PPARG: variants seen among roughly 807,000 people sequenced by gnomAD.
PPARG encodes peroxisome proliferator-activated receptor gamma.
PPARG carries 17 observed loss-of-function variants against 39.2 expected under a neutral mutation model. That is an observed-to-expected ratio of 0.43 (90% confidence interval 0.30 to 0.65). The LOEUF is 0.65. Ranked by LOEUF, PPARG falls within the 30% of genes least tolerant of loss-of-function variation. The pLI, the probability that PPARG is intolerant of heterozygous loss-of-function variation, is 0.13. For missense variants in PPARG, 406 were observed against 585.9 expected (o/e 0.69, Z 3.17); for synonymous variants, 223 against 215.7 (o/e 1.03, Z -0.30).
intron 4 of PPARG, among the ~76,000 whole-genome samples, chr3:12,384,205 T>C (rs1046889663): frequency 1.3e-5 from 2 of 152,136 alleles, no homozygotes; most frequent in African/African-American, 4.8e-5. Context: ...AAAGAAAATA[T>C]GTGAATCCAC....
intron 4 of PPARG, among the ~76,000 whole-genome samples, chr3:12,390,422 A>G (rs888603971): frequency 2.0e-5 from 3 of 152,150 alleles, no homozygotes; most frequent in African/African-American, 7.2e-5. Context: ...ATTATAGTAT[A>G]GTCATACAAT....
chr3:12,298,348 A>C (rs991446974), intron 1 of PPARG, among the ~76,000 whole-genome samples: 1 of 146,594 alleles, frequency 6.8e-6, no homozygotes, highest in Non-Finnish European at 1.5e-5. Flanking sequence ...ATAGCAAGCG[A>C]GTAGAGGTTT....
Position 12,392,903 on chromosome 3 carries a change from G to A in PPARG, c.529+151G>A, listed in dbSNP as rs1301410191. 58 of 1,069,004 alleles carry A rather than the reference G, an allele frequency of 5.4e-5. No individual in the cohort carries two copies. In the East Asian group the frequency reaches 1.1e-3, roughly 21 times the overall value. 66.2% of individuals were successfully genotyped at this position (1,069,004 alleles called of 1,614,324 possible). A position where few individuals can be genotyped will look rare whatever the true frequency, so the allele number is the denominator to read the frequency against. On this transcript the variant is annotated intron_variant, in intron 5 of 7. Transcript: ENST00000651735. Reference sequence around the variant, plus strand: ...ATGGCGATAAAACATTTCTCTTTTAGGTCAGTGTTTTTAAAGTTTTATTAT... The same window carrying A: ...ATGGCGATAAAACATTTCTCTTTTAAGTCAGTGTTTTTAAAGTTTTATTAT...
At position 12,379,548 on chromosome 3, in the gene PPARG, C is replaced by G. The variant is rs2049545947; in HGVS notation, c.-8-156C>G. Among the ~76,000 whole-genome samples, 3 of 152,200 alleles carry G rather than the reference C, an allele frequency of 2.0e-5. No individual in the cohort carries two copies. In the South Asian group the frequency reaches 6.2e-4, roughly 31 times the overall value. ...CCTTTCTATCATAAAACAGCCTAGA[C>G]AGCACTAAGAAGGTGGTTATGTTCT... is the stretch of plus-strand genomic sequence containing the variant. On this transcript the variant is annotated intron_variant, in intron 2 of 7. Transcript: ENST00000651735.
intron 2 of PPARG, among the ~76,000 whole-genome samples, chr3:12,372,455 T>C (rs2049252642): frequency 6.6e-6 from 1 of 152,168 alleles, no homozygotes; most frequent in African/African-American, 2.4e-5. Context: ...AAGTAAATTA[T>C]AAATGCACCT....
chr3:12,368,029 A>G (rs4135256), intron 2 of PPARG, among the ~76,000 whole-genome samples: 3,322 of 152,172 alleles, frequency 0.022, 55 homozygotes, highest in Middle Eastern at 0.041. Context: ...TTCAATCTCA[A>G]AGCTATCAAT....
intron 7 of PPARG, among the ~76,000 whole-genome samples, chr3:12,427,634 A>G (rs1220006662): frequency 6.6e-6 from 1 of 152,232 alleles, no homozygotes; most frequent in Non-Finnish European, 1.5e-5. Context: ...GAAAGATTAG[A>G]TGATTTGTCC....
At position 12,416,726 on chromosome 3, in the gene PPARG, A is replaced by G. The variant is rs935360461; in HGVS notation, c.752A>G (p.Asn251Ser). The change falls in exon 7 of 8, where the codon AAT becomes AGT. Residue 251 changes from asparagine to serine, a missense_variant. Around this residue, in one of 2 missense-constraint regions of PPARG, gnomAD observed 275 missense variants for 458.0 expected, o/e 0.60. Transcript: ENST00000651735. ...CAGCCATTCGTTATCTATGACATGAATTCCTTAATGATGGGAGAAGATAAA... is the reference window on the plus strand; with the variant it reads ...CAGCCATTCGTTATCTATGACATGAGTTCCTTAATGATGGGAGAAGATAAA... ...DKSPFVIYDM[N>S]SLMMGEDKIK... is the part of the protein sequence containing the mutation. 3.1e-6 allele frequency: 5 copies of G among 1,613,916 alleles called. No homozygotes were observed. The highest frequency in any genetic ancestry group is 4.2e-6 in the Non-Finnish European group (5 of 1,179,908).
chr3:12,423,397 G>A (rs2051327947), intron 7 of PPARG, among the ~76,000 whole-genome samples: 1 of 152,168 alleles, frequency 6.6e-6, no homozygotes, highest in African/African-American at 2.4e-5. Flanking sequence ...GAGGAGCACC[G>A]GGTTTGGGAG....
intron 6 of PPARG, among the ~76,000 whole-genome samples, chr3:12,412,121 GATTTTC>G (rs1009494781): frequency 6.6e-6 from 1 of 152,140 alleles, no homozygotes; most frequent in Non-Finnish European, 1.5e-5. Flanking sequence ...CTTTTTGAGT[GATTTTC>G]ATGTTTATCT....
At chr3:12,359,810 G>A (rs562724224) in intron 2 of PPARG, among the ~76,000 whole-genome samples, 1 of 151,762 alleles carries the variant, frequency 6.6e-6, no homozygotes, top group Non-Finnish European at 1.5e-5. Flanking sequence ...GAGTAACTGG[G>A]ATTAGAGGCA....
intron 5 of PPARG, chr3:12,399,235 G>T (rs1178445577): frequency 2.5e-6 from 1 of 398,348 alleles, no homozygotes; most frequent in East Asian, 7.3e-5. Context: ...CTTCATTTTT[G>T]AAAGAAACCT....
chr3:12,403,104 G>A (rs2050535216), intron 5 of PPARG, among the ~76,000 whole-genome samples: 1 of 151,848 alleles, frequency 6.6e-6, no homozygotes, highest in South Asian at 2.1e-4. Context: ...ACCAGCCTGG[G>A]CAACATGGTG....
intron 6 of PPARG, among the ~76,000 whole-genome samples, 194 bp from the exon 7 acceptor site, chr3:12,416,510 A>G (rs2051061287): frequency 6.6e-6 from 1 of 152,212 alleles, no homozygotes; most frequent in African/African-American, 2.4e-5. Flanking sequence ...AATTGGTGAA[A>G]TATGTTTGGT....
At chr3:12,348,473 T>C (rs1356647604) in intron 2 of PPARG, among the ~76,000 whole-genome samples, 1 of 152,222 alleles carries the variant, frequency 6.6e-6, no homozygotes, top group Non-Finnish European at 1.5e-5. Context: ...TTTTCAAATA[T>C]CATGAACTGG....
At chr3:12,382,614 G>A (rs1168941671) in intron 4 of PPARG, among the ~76,000 whole-genome samples, 1 of 152,196 alleles carries the variant, frequency 6.6e-6, no homozygotes, top group Non-Finnish European at 1.5e-5. Context: ...GCCAAATACT[G>A]TATGAGGTAA....
chr3:12,287,822 ACCCCCAC>A (rs2046542135), upstream of PPARG: 1 of 18,654 alleles, frequency 5.4e-5, no homozygotes, highest in Non-Finnish European at 1.2e-4. Context: ...CCCCGCCCCC[ACCCCCAC>A]CCCCACCCCC....
Position 12,402,751 on chromosome 3 carries a change from T to C in PPARG, c.530-3131T>C, listed in dbSNP as rs558727160. 1.1e-4 allele frequency among the ~76,000 whole-genome samples: 17 copies of C among 152,254 alleles called. No homozygotes were observed. In the South Asian group the frequency reaches 2.5e-3, roughly 22 times the overall value. On this transcript the variant is annotated intron_variant, in intron 5 of 7. Coordinates refer to ENST00000651735, the MANE Select transcript of PPARG (RefSeq NM_138711.6). ...GTTACCGAGTGACTCTGATAGGCTC[T>C]GCCTCCCCTACCCTCCGCACTCCTC...
intron 1 of PPARG, among the ~76,000 whole-genome samples, chr3:12,296,957 T>C (rs1034782059): frequency 2.6e-5 from 4 of 152,180 alleles, no homozygotes; most frequent in Non-Finnish European, 5.9e-5. Context: ...ATTTCAAGGA[T>C]TGAAGAGATT....
Sources: gnomAD v4.1 joint callset for allele counts (sites outside exome capture counted in the v4.1 genomes callset) on GRCh38, gnomAD v4.1.1 for gene constraint, gnomAD v4.1.1 regional missense constraint, MANE v1.5 for transcripts, NCBI Gene and HGNC (gene_info 2026-07-23, HGNC 2026-07-21) for gene names.